The following LZTS2 variants were observed in gnomAD, a reference collection of about 807,000 sequenced individuals.
LZTS2 encodes the protein leucine zipper putative tumor suppressor 2.
Under a neutral mutation model 60.6 loss-of-function variants are expected in LZTS2, and 32 were observed. The ratio of observed to expected loss-of-function variants is 0.53; its 90% CI spans 0.40 to 0.71. The LOEUF is 0.71. LZTS2 is among the 30% of genes least tolerant of loss of function. The pLI is 0.00. For synonymous variants in LZTS2, 360 were observed against 393.1 expected, an observed-to-expected ratio of 0.92 and a Z score of 1.00; for missense variants, 792 against 901.9, an observed-to-expected ratio of 0.88 and a Z score of 1.56.
chr10:101,001,881 T>G (rs1023948921), exon 1 of LZTS2: 3 of 152,198 alleles, frequency 2.0e-5, no homozygotes, highest in Admixed American at 2.0e-4. Flanking sequence ...CATCCACCTC[T>G]GGGAGGCAGG....
rs758295371 is a variant in LZTS2 at position 101,004,312 on chromosome 10, T to C, written c.1068+146T>C. The C allele has an allele frequency of 1.1e-5, 10 of 912,576 alleles. No homozygotes were observed. In the African/African-American group the frequency reaches 1.2e-4, roughly 11 times the overall value. The allele number at this position is 912,576 out of a possible 1,614,324, so 56.5% of individuals were successfully genotyped here. ...TGCCCTCCCCACCAGTTGTCTGGTT[T>C]AATGTGTGGAGTAGCCAGGTGTGGT... is the stretch of plus-strand genomic sequence containing the variant. On this transcript the variant is annotated intron_variant, in intron 2 of 3. Coordinates refer to ENST00000370220, the Ensembl canonical transcript of LZTS2.
exon 2 of LZTS2, chr10:101,003,658 C>T (rs1476313136): frequency 1.9e-6 from 3 of 1,597,222 alleles, no homozygotes; most frequent in Non-Finnish European, 2.6e-6. Context: ...GGGGGCCCTG[C>T]CTCCTCCTCC....
chr10:101,003,895 C>G, exon 2 of LZTS2: 1 of 1,612,762 alleles, frequency 6.2e-7, no homozygotes, highest in Non-Finnish European at 8.5e-7. Context: ...GGGGTCCCTA[C>G]TGGGCCCTCC....
chr10:101,006,435 C>T lies in LZTS2; in HGVS notation c.1327-50C>T, dbSNP rs138907208. On this transcript the variant is annotated intron_variant, in intron 3 of 3. Transcript: ENST00000370220. The stretch of plus-strand genomic sequence containing the variant: ...CCAGCATGATGTGCAGGGCCTGTCC[C>T]CCCAGGAGAACCTGTCTCACCATCC... 20 of 1,557,102 alleles carry T rather than the reference C, an allele frequency of 1.3e-5. No individual in the cohort carries two copies. In the African/African-American group the frequency reaches 2.0e-4, roughly 16 times the overall value.
chr10:101,005,044 C>T (rs746847287), intron 2 of LZTS2, among the ~76,000 whole-genome samples: 9 of 152,068 alleles, frequency 5.9e-5, no homozygotes, highest in Non-Finnish European at 1.2e-4. Flanking sequence ...CATTCTGTCA[C>T]CCAGGCTAGA....
intron 2 of LZTS2, 30 bp from the exon 4 acceptor site, chr10:101,005,428 C>A: frequency 6.6e-7 from 1 of 1,516,926 alleles, no homozygotes. Context: ...GAAAACTGCC[C>A]AGGAGCCAGG....
At chr10:101,006,982 G>A in exon 4 of LZTS2, 2 of 1,554,848 alleles carry the variant, frequency 1.3e-6, no homozygotes, top group South Asian at 2.4e-5. Context: ...CAGAGAAGGA[G>A]CAGGTGATCC....
exon 2 of LZTS2, chr10:101,003,819 A>C: frequency 6.2e-7 from 1 of 1,613,416 alleles, no homozygotes; most frequent in Non-Finnish European, 8.5e-7. Flanking sequence ...GCCAACCACC[A>C]GCTCCCCAGG....
chr10:101,000,262 C>G (rs1393649422), exon 1 of LZTS2: 2 of 152,436 alleles, frequency 1.3e-5, no homozygotes, highest in Non-Finnish European at 2.9e-5. Context: ...GGGGGTGCTC[C>G]TGGGCCAGAG....
chr10:101,003,682 C>T lies in LZTS2; in HGVS notation c.584C>T (p.Ser195Phe), dbSNP rs936397123. The T allele has an allele frequency of 1.9e-6, 3 of 1,612,702 alleles. No homozygotes were observed. Among genetic ancestry groups the T allele is most frequent in the Admixed American group, 3.3e-5 (2 of 60,020 alleles). ...GCCTCCTCCTCCTCCTCTTCCTCCT[C>T]CTCTTCAGCTGCTGACAAACCCCTG... The change falls in exon 2 of 4, where the codon TCC (serine) becomes TTC (phenylalanine). Residue 195 changes from serine (S) to phenylalanine (F), a missense_variant. Transcript: ENST00000370220.
In LZTS2 at chr10:101,003,858, C is replaced by T; in HGVS notation, c.760C>T (p.Arg254Ter). The T allele has an allele frequency of 5.0e-6, 8 of 1,613,186 alleles. No individual in the cohort carries two copies. Among genetic ancestry groups the T allele is most frequent in the Non-Finnish European group, 6.8e-6 (8 of 1,179,942 alleles). The change falls in exon 2 of 4, where the codon CGA becomes TGA. Residue 254 changes from arginine to a stop codon, truncating the protein, a stop_gained. Transcript: ENST00000370220. LOFTEE classifies it high-confidence loss of function. ...GCACCTGCCTTCCCATGGCTCTGGG[C>T]GAGGGGCACTGCCTGGGCCAGCCCG...
exon 2 of LZTS2, chr10:101,003,784 C>A: frequency 6.2e-7 from 1 of 1,613,248 alleles, no homozygotes; most frequent in Non-Finnish European, 8.5e-7. Context: ...TCCAGCCTGC[C>A]CACCTACAGC....
chr10:101,005,883 G>A (rs552988872), intron 3 of LZTS2, among the ~76,000 whole-genome samples, 168 bp downstream of exon 4: 1 of 152,292 alleles, frequency 6.6e-6, no homozygotes, highest in Non-Finnish European at 1.5e-5. Flanking sequence ...GGGTCTCCTT[G>A]TTGGCCTTGT....
At chr10:101,007,642 CT>C (rs1335344915) in exon 4 of LZTS2, 2 of 1,166,026 alleles carry the variant, frequency 1.7e-6, no homozygotes, top group Non-Finnish European at 2.2e-6. Flanking sequence ...TGCAGCCTCT[CT>C]CCTGGAGTGA....
chr10:101,005,626 C>G, exon 3 of LZTS2: 1 of 1,611,050 alleles, frequency 6.2e-7, no homozygotes, highest in Non-Finnish European at 8.5e-7. Context: ...ACAGCTGCTG[C>G]AGGAGCGCGA....
At chr10:101,006,102 C>T (rs1167591123) in intron 3 of LZTS2, among the ~76,000 whole-genome samples, 1 of 152,212 alleles carries the variant, frequency 6.6e-6, no homozygotes, top group Non-Finnish European at 1.5e-5. Context: ...CAGTCTGGCT[C>T]CAATATCTGA....
rs746543231 is a variant in LZTS2 at position 101,006,515 on chromosome 10, C to G, written c.1357C>G (p.Leu453Val). 1.9e-6 allele frequency: 3 copies of G among 1,610,934 alleles called. No individual in the cohort carries two copies. In the African/African-American group the frequency reaches 4.0e-5, roughly 22 times the overall value. The change falls in exon 4 of 4, where the codon CTG (leucine) becomes GTG (valine). Residue 453 changes from leucine to valine, a missense_variant. Physicochemically the swap from Leu to Val is conservative, Grantham distance 32 (BLOSUM62 1). Coordinates refer to ENST00000370220, the Ensembl canonical transcript of LZTS2. ...CCAGAAATCAGGCGAGATCTCCCTG[C>G]TGAAGCAGCAGCTGAAAGAGTCTCA...
At chr10:100,999,603 A>G (rs1212205443) in exon 1 of LZTS2, 3 of 152,300 alleles carry the variant, frequency 2.0e-5, no homozygotes, top group Non-Finnish European at 4.4e-5. Flanking sequence ...GCCCCCAGAC[A>G]CGCAGTCACA....
At chr10:101,005,341 ATTG>A (rs2133978379) in intron 2 of LZTS2, 114 bp from the exon 4 acceptor site, 7 of 1,147,960 alleles carry the variant, frequency 6.1e-6, no homozygotes, top group East Asian at 5.2e-5. Context: ...TGCAATTACT[ATTG>A]TTGTTTAATG....
Sources: allele counts gnomAD v4.1 joint callset (sites outside exome capture counted in the v4.1 genomes callset), GRCh38; gene constraint gnomAD v4.1.1; transcripts MANE v1.5; gene names NCBI Gene and HGNC (gene_info 2026-07-23, HGNC 2026-07-21).